The following SLC44A5 variants were observed in gnomAD, a reference collection of about 807,000 sequenced individuals.
SLC44A5 encodes choline transporter-like protein 5.
SLC44A5 carries 57 observed loss-of-function variants against 101.8 expected under a neutral mutation model. That is an observed-to-expected ratio of 0.56 (90% confidence interval 0.45 to 0.70). The LOEUF is 0.70. Ranked by LOEUF, SLC44A5 falls within the 30% of genes least tolerant of loss-of-function variation. SLC44A5 has a pLI of 0.00. For synonymous variants in SLC44A5, 281 were observed against 290.9 expected (o/e 0.97, Z 0.35); for missense variants, 737 against 853.1 (o/e 0.86, Z 1.70).
At chr1:75,474,594 T>C (rs1357131001) in intron 2 of SLC44A5, among the ~76,000 whole-genome samples, 1 of 152,216 alleles carries the variant, frequency 6.6e-6, no homozygotes, top group African/African-American at 2.4e-5. Context: ...TACACAAGGA[T>C]GTTTTGTTTT....
chr1:75,407,397 A>C (rs1294242738), intron 2 of SLC44A5, among the ~76,000 whole-genome samples: 5 of 152,176 alleles, frequency 3.3e-5, no homozygotes, highest in African/African-American at 1.2e-4. Context: ...GAGCCCATAT[A>C]GCCAAGACAA....
At chr1:75,592,878 TATGAAACTACTATAAGAAAAC>T (rs1674428859) in intron 1 of SLC44A5, among the ~76,000 whole-genome samples, 1 of 152,084 alleles carries the variant, frequency 6.6e-6, no homozygotes, top group African/African-American at 2.4e-5. Flanking sequence ...GACCTCAAAC[TATGAAACTACTATAAGAAAAC>T]ATTAGGAAAA....
chr1:75,627,240 T>C, the SLC44A5 span, among the ~76,000 whole-genome samples: 1 of 152,146 alleles, frequency 6.6e-6, no homozygotes, highest in African/African-American at 2.4e-5. Flanking sequence ...CTAGAAGGTC[T>C]GTTTGGGTTG....
chr1:75,679,449 G>T, the SLC44A5 span, among the ~76,000 whole-genome samples: 1 of 151,992 alleles, frequency 6.6e-6, no homozygotes, highest in Admixed American at 6.6e-5. Flanking sequence ...GAGAGTGGGG[G>T]CCAATATTCA....
chr1:75,483,035 T>C (rs762123567), intron 2 of SLC44A5, among the ~76,000 whole-genome samples: 19 of 152,226 alleles, frequency 1.2e-4, no homozygotes, highest in Non-Finnish European at 2.8e-4. Context: ...TTTATTCACA[T>C]TCAATTAATA....
intron 2 of SLC44A5, among the ~76,000 whole-genome samples, chr1:75,538,319 G>C (rs1380135861): frequency 6.6e-6 from 1 of 152,116 alleles, no homozygotes; most frequent in African/African-American, 2.4e-5. Context: ...CTCAACCTCT[G>C]TATTCTATAT....
chr1:75,323,643 A>C (rs1205369124), intron 4 of SLC44A5, among the ~76,000 whole-genome samples: 1 of 152,236 alleles, frequency 6.6e-6, no homozygotes, highest in African/African-American at 2.4e-5. Context: ...CAAAAGTATT[A>C]AATGATACTA....
chr1:75,486,434 T>C (rs562840788), intron 2 of SLC44A5, among the ~76,000 whole-genome samples: 1 of 152,310 alleles, frequency 6.6e-6, no homozygotes, highest in African/African-American at 2.4e-5. Flanking sequence ...TGAACAGATA[T>C]CAAATGTTTT....
the SLC44A5 span, chr1:75,710,699 T>C: frequency 1.3e-5 from 2 of 151,632 alleles, no homozygotes; most frequent in South Asian, 4.2e-4. Context: ...TAGCTCCCTA[T>C]AAAAAGGGAA....
the SLC44A5 span, among the ~76,000 whole-genome samples, chr1:75,633,533 G>C: frequency 6.6e-6 from 1 of 152,118 alleles, no homozygotes. Flanking sequence ...TCTGTTATTG[G>C]TGTATAAGAA....
At chr1:75,578,509 G>T (rs1673502375) in intron 1 of SLC44A5, among the ~76,000 whole-genome samples, 1 of 152,180 alleles carries the variant, frequency 6.6e-6, no homozygotes, top group African/African-American at 2.4e-5. Context: ...CTGAAGTGCA[G>T]TGTGCTAAGT....
At chr1:75,369,806 A>C (rs1386516980) in intron 3 of SLC44A5, among the ~76,000 whole-genome samples, 4 of 152,234 alleles carry the variant, frequency 2.6e-5, no homozygotes, top group Non-Finnish European at 5.9e-5. Flanking sequence ...GGAAAGAAAA[A>C]GTAAAACTTC....
chr1:75,598,735 G>A (rs1370641489), intron 1 of SLC44A5, among the ~76,000 whole-genome samples: 3 of 152,138 alleles, frequency 2.0e-5, no homozygotes, highest in Non-Finnish European at 4.4e-5. Flanking sequence ...GAGAGCACAT[G>A]GACACATAGA....
At chr1:75,419,312 T>C (rs1313714113) in intron 2 of SLC44A5, among the ~76,000 whole-genome samples, 2 of 151,742 alleles carry the variant, frequency 1.3e-5, no homozygotes, top group Non-Finnish European at 2.9e-5. Context: ...AGGAACAATA[T>C]AATCAAATTG....
intron 11 of SLC44A5, among the ~76,000 whole-genome samples, chr1:75,235,982 A>G (rs573553616): frequency 2.0e-5 from 3 of 152,212 alleles, no homozygotes; most frequent in South Asian, 2.1e-4. Context: ...CATGATGGGT[A>G]TGAGGAACAC....
intron 1 of SLC44A5, among the ~76,000 whole-genome samples, chr1:75,609,989 C>A (rs982374166): frequency 5.3e-5 from 8 of 152,120 alleles, no homozygotes; most frequent in African/African-American, 1.9e-4. Context: ...TTGGCTGAAG[C>A]TACAGTCATC....
At chr1:75,657,360 G>A in the SLC44A5 span, among the ~76,000 whole-genome samples, 1 of 151,802 alleles carries the variant, frequency 6.6e-6, no homozygotes, top group Admixed American at 6.6e-5. Flanking sequence ...ACCAGTCTGG[G>A]CAACATGGTG....
intron 4 of SLC44A5, among the ~76,000 whole-genome samples, chr1:75,311,983 A>G (rs1655337959): frequency 6.6e-6 from 1 of 152,098 alleles, no homozygotes; most frequent in Non-Finnish European, 1.5e-5. Flanking sequence ...CCCAACCCAA[A>G]CTTCATCTTG....
intron 6 of SLC44A5, among the ~76,000 whole-genome samples, chr1:75,268,924 C>G (rs1651230604): frequency 6.6e-6 from 1 of 151,908 alleles, no homozygotes; most frequent in Admixed American, 6.6e-5. Flanking sequence ...TACATAGTGC[C>G]TATAACGTTA....
Sources: gnomAD v4.1 joint callset for allele counts (sites outside exome capture counted in the v4.1 genomes callset) on GRCh38, gnomAD v4.1.1 for gene constraint, MANE v1.5 for transcripts, NCBI Gene and HGNC (gene_info 2026-07-23, HGNC 2026-07-21) for gene names.